SMG6: variants seen among roughly 807,000 people sequenced by gnomAD.
SMG6 encodes the protein SMG6 nonsense mediated mRNA decay factor.
Under a neutral mutation model 142.2 loss-of-function variants are expected in SMG6, and 66 were observed. The ratio of observed to expected loss-of-function variants is 0.46; its 90% CI spans 0.38 to 0.57. The LOEUF is 0.57. Among genes scored for constraint, SMG6 ranks in the 20% least tolerant of loss-of-function variants. The pLI, the probability that SMG6 is intolerant of heterozygous loss-of-function variation, is 0.00. For missense variants in SMG6, 1,793 were observed against 1,832.0 expected (o/e 0.98, Z 0.39); for synonymous variants, 779 against 702.4 (o/e 1.11, Z -1.72).
intron 13 of SMG6, among the ~76,000 whole-genome samples, chr17:2,126,905 CATGCACACAG>C (rs1312328498): frequency 8.3e-6 from 1 of 120,284 alleles, no homozygotes; most frequent in Non-Finnish European, 1.7e-5. Flanking sequence ...CACGCACACA[CATGCACACAG>C]ACACAAACAT....
chr17:2,296,792 G>A (rs993094976), intron 4 of SMG6, among the ~76,000 whole-genome samples: 8 of 152,048 alleles, frequency 5.3e-5, no homozygotes, highest in Admixed American at 3.9e-4. Flanking sequence ...TCAGAAGTTC[G>A]AGACCAGCCT....
At chr17:2,151,251 T>C (rs1181479845) in intron 13 of SMG6, among the ~76,000 whole-genome samples, 2 of 152,392 alleles carry the variant, frequency 1.3e-5, no homozygotes, top group South Asian at 2.1e-4. Flanking sequence ...TGCAGATTTA[T>C]TGCAGAACTT....
intron 12 of SMG6, among the ~76,000 whole-genome samples, chr17:2,183,745 GACACACACAC>G (rs56210030): frequency 0.044 from 6,484 of 146,388 alleles, 174 homozygotes; most frequent in Non-Finnish European, 0.053. Context: ...AGGTGCGTGC[GACACACACAC>G]ACACACACAC....
Position 2,116,461 on chromosome 17 carries a change from C to T in SMG6, c.3358-30560G>A, listed in dbSNP as rs112091493. Among the ~76,000 whole-genome samples the T allele has an allele frequency of 2.6e-3, 397 of 152,268 alleles. 2 individuals are homozygous for T. Among genetic ancestry groups the T allele is most frequent in the African/African-American group, 9.0e-3 (375 of 41,550 alleles). ...AAAGATGGCTGGGCATGGTGGCTCA[C>T]GCCTGTAATCCCAGCACTTTGGGAG... On this transcript the variant is annotated intron_variant, in intron 13 of 18. Coordinates refer to ENST00000263073, the MANE Select transcript of SMG6 (RefSeq NM_017575.5).
At chr17:2,065,799 G>T in intron 16 of SMG6, 120 bp from the exon 17 acceptor site, 1 of 836,320 alleles carries the variant, frequency 1.2e-6, no homozygotes, top group Non-Finnish European at 1.9e-6. Context: ...TCCCCCACAG[G>T]AGTCTTCCAA....
At chr17:2,136,024 GTGTGTGTGTGTGTC>G (rs1196992116) in intron 13 of SMG6, among the ~76,000 whole-genome samples, 5 of 148,874 alleles carry the variant, frequency 3.4e-5, no homozygotes, top group African/African-American at 1.3e-4. Context: ...GTGTGTGTGT[GTGTGTGTGTGTGTC>G]TGTGTGTGTA....
chr17:2,270,927 C>T (rs1437016573), intron 8 of SMG6, among the ~76,000 whole-genome samples: 1 of 152,154 alleles, frequency 6.6e-6, no homozygotes, highest in African/African-American at 2.4e-5. Flanking sequence ...ATGCTCTATT[C>T]ATGTGGCTTG....
intron 13 of SMG6, among the ~76,000 whole-genome samples, chr17:2,161,536 T>C (rs936338460): frequency 1.1e-4 from 17 of 152,040 alleles, no homozygotes; most frequent in African/African-American, 3.9e-4. Flanking sequence ...TTACTGTTCA[T>C]CTATAAGCAA....
chr17:2,300,676 G>A lies in SMG6; in HGVS notation c.89-12C>T, dbSNP rs546165815. ...TTCCTTCATGTTTTCTGTTATGTCG[G>A]GGAAAGAGTTTGGGAGGGAAAGGTA... is the stretch of plus-strand genomic sequence containing the variant. On this transcript the variant is annotated splice_polypyrimidine_tract_variant and intron_variant, in intron 1 of 18. Coordinates refer to ENST00000263073, the MANE Select transcript of SMG6 (RefSeq NM_017575.5). The A allele has an allele frequency of 3.2e-5, 49 of 1,555,550 alleles. No homozygotes were observed. Among genetic ancestry groups the A allele is most frequent in the Non-Finnish European group, 3.9e-5 (45 of 1,155,242 alleles).
At chr17:2,208,584 ACAGT>A (rs1278487471) in intron 10 of SMG6, among the ~76,000 whole-genome samples, 4 of 152,208 alleles carry the variant, frequency 2.6e-5, no homozygotes, top group Admixed American at 6.5e-5. Context: ...TTATATTCAC[ACAGT>A]CAGCATTCAC....
At chr17:2,229,960 C>A (rs1407587208) in intron 10 of SMG6, among the ~76,000 whole-genome samples, 1 of 151,468 alleles carries the variant, frequency 6.6e-6, no homozygotes, top group Non-Finnish European at 1.5e-5. Flanking sequence ...CTGAGGTGGG[C>A]GGATCACTTG....
At chr17:2,260,472 C>G (rs1482238285) in intron 8 of SMG6, among the ~76,000 whole-genome samples, 3 of 152,218 alleles carry the variant, frequency 2.0e-5, no homozygotes, top group Non-Finnish European at 4.4e-5. Context: ...TTCCCAGACC[C>G]AAACTCTGTA....
intron 12 of SMG6, among the ~76,000 whole-genome samples, chr17:2,178,904 T>C (rs1317177415): frequency 6.6e-6 from 1 of 152,182 alleles, no homozygotes; most frequent in African/African-American, 2.4e-5. Context: ...ACACGTCTTC[T>C]TAGCTTAGCA....
intron 15 of SMG6, among the ~76,000 whole-genome samples, chr17:2,073,980 G>A (rs1292964125): frequency 1.3e-5 from 2 of 151,950 alleles, no homozygotes; most frequent in Non-Finnish European, 2.9e-5. Flanking sequence ...TCGGGAGGCT[G>A]AGGCAGGAGA....
intron 8 of SMG6, among the ~76,000 whole-genome samples, chr17:2,261,215 G>C (rs544236737): frequency 6.6e-6 from 1 of 151,890 alleles, no homozygotes; most frequent in African/African-American, 2.4e-5. Flanking sequence ...TCAGGAGGCT[G>C]AGGCAGGAGA....
At chr17:2,296,721 C>T (rs2075149693) in intron 4 of SMG6, among the ~76,000 whole-genome samples, 1 of 152,158 alleles carries the variant, frequency 6.6e-6, no homozygotes, top group African/African-American at 2.4e-5. Flanking sequence ...TGGCCAGGCC[C>T]GGTGGCTCAT....
chr17:2,229,369 C>T (rs963533606), intron 10 of SMG6: 3 of 152,220 alleles, frequency 2.0e-5, no homozygotes, highest in African/African-American at 4.8e-5. Context: ...TCACAGGTCA[C>T]TTTCTTCATC....
At chr17:2,119,850 G>C (rs2151515032) in intron 13 of SMG6, among the ~76,000 whole-genome samples, 1 of 152,228 alleles carries the variant, frequency 6.6e-6, no homozygotes, top group East Asian at 1.9e-4. Flanking sequence ...TTTTAGTAGA[G>C]ACCAGGTTTC....
intron 13 of SMG6, among the ~76,000 whole-genome samples, chr17:2,133,912 A>G (rs996161972): frequency 2.0e-5 from 3 of 152,074 alleles, no homozygotes; most frequent in Admixed American, 6.6e-5. Context: ...ATGGGACCAC[A>G]TTGTAGGATG....
Sources: gnomAD v4.1 joint callset for allele counts (sites outside exome capture counted in the v4.1 genomes callset) on GRCh38, gnomAD v4.1.1 for gene constraint, MANE v1.5 for transcripts, NCBI Gene and HGNC (gene_info 2026-07-23, HGNC 2026-07-21) for gene names.